Variants in SIPA1L3 observed in about 807,000 individuals in gnomAD.
SIPA1L3 encodes signal-induced proliferation-associated 1-like protein 3.
Under a neutral mutation model 150.1 loss-of-function variants are expected in SIPA1L3, and 59 were observed. The observed-to-expected ratio is 0.39, with a 90% CI of 0.32 to 0.49. SIPA1L3 has a LOEUF of 0.49. Ranked by LOEUF, SIPA1L3 falls within the 20% of genes least tolerant of loss-of-function variation. The pLI, the probability that SIPA1L3 is intolerant of heterozygous loss-of-function variation, is 0.86. For synonymous variants in SIPA1L3, 1,070 were observed against 1,077.6 expected (o/e 0.99, Z 0.14); for missense variants, 2,211 against 2,489.5 (o/e 0.89, Z 2.38).
intron 1 of SIPA1L3, among the ~76,000 whole-genome samples, chr19:37,926,435 G>A (rs1318783662): frequency 6.6e-6 from 1 of 152,188 alleles, no homozygotes; most frequent in Non-Finnish European, 1.5e-5. Flanking sequence ...GCTCCCAGAG[G>A]GAGGGGCACC....
chr19:38,094,921 G>T (rs984773273), intron 4 of SIPA1L3, among the ~76,000 whole-genome samples: 1 of 151,982 alleles, frequency 6.6e-6, no homozygotes, highest in Non-Finnish European at 1.5e-5. Context: ...ACAAAAATTA[G>T]CTGGGCATGG....
At position 38,130,625 on chromosome 19, in the gene SIPA1L3, C is replaced by A. The variant is rs1971285904; in HGVS notation, c.2996C>A (p.Ala999Asp). 1 of 1,613,732 alleles carries A rather than the reference C, an allele frequency of 6.2e-7. No individual in the cohort carries two copies. ...GAGGACTATGGGTTCGCCTGGCAGG[C>A]CGGCCTCCGGCAGGGCAGCCGACTA... Reference protein sequence around the residue: ...EVEDYGFAWQAGLRQGSRLVE... With the variant: ...EVEDYGFAWQDGLRQGSRLVE... The change falls in exon 10 of 22, where the codon GCC becomes GAC. Residue 999 changes from alanine to aspartate, a missense_variant. Coordinates refer to ENST00000222345, the MANE Select transcript of SIPA1L3 (RefSeq NM_015073.3).
At chr19:38,203,336 A>G in intron 20 of SIPA1L3, among the ~76,000 whole-genome samples, 1 of 152,176 alleles carries the variant, frequency 6.6e-6, no homozygotes, top group East Asian at 1.9e-4. Flanking sequence ...ACTCAGCAGC[A>G]AGGTTGTAGG....
At chr19:38,131,667 C>G (rs1600112695) in intron 10 of SIPA1L3, 1 of 153,572 alleles carries the variant, frequency 6.5e-6, no homozygotes, top group East Asian at 2.0e-4. Context: ...GAGTCTCGCT[C>G]TGTCGCCCAG....
At chr19:38,097,227 A>G (rs1970399645) in intron 4 of SIPA1L3, among the ~76,000 whole-genome samples, 1 of 152,120 alleles carries the variant, frequency 6.6e-6, no homozygotes, top group African/African-American at 2.4e-5. Context: ...GCACATGCCT[A>G]TAGTCCCAGC....
At chr19:38,126,772 G>A (rs187690316) in intron 9 of SIPA1L3, among the ~76,000 whole-genome samples, 6 of 152,164 alleles carry the variant, frequency 3.9e-5, no homozygotes, top group African/African-American at 1.2e-4. Context: ...CTGACCTGAG[G>A]TGATCTGCCC....
At chr19:37,923,596 G>A (rs1196696068) in intron 1 of SIPA1L3, among the ~76,000 whole-genome samples, 1 of 152,170 alleles carries the variant, frequency 6.6e-6, no homozygotes, top group Admixed American at 6.5e-5. Context: ...GAGTGGATGG[G>A]AAAGCTAGGA....
intron 16 of SIPA1L3, among the ~76,000 whole-genome samples, chr19:38,186,460 A>G (rs1972679936): frequency 6.6e-6 from 1 of 150,894 alleles, no homozygotes; most frequent in Admixed American, 6.6e-5. Flanking sequence ...CTACATGCGC[A>G]TACCACCATG....
chr19:37,921,658 T>C (rs1449356933), intron 1 of SIPA1L3, among the ~76,000 whole-genome samples: 1 of 151,744 alleles, frequency 6.6e-6, no homozygotes, highest in Non-Finnish European at 1.5e-5. Flanking sequence ...TGGAGTGCAG[T>C]GGCACGATCA....
intron 16 of SIPA1L3, among the ~76,000 whole-genome samples, chr19:38,187,755 A>C (rs1050425190): frequency 6.8e-6 from 1 of 148,044 alleles, no homozygotes; most frequent in Non-Finnish European, 1.5e-5. Flanking sequence ...GGAAAAAAAA[A>C]CTTTTTTCAA....
At chr19:38,173,278 G>T (rs192634865) in intron 15 of SIPA1L3, among the ~76,000 whole-genome samples, 96 of 152,308 alleles carry the variant, frequency 6.3e-4, no homozygotes, top group African/African-American at 2.3e-3. Flanking sequence ...TCCCTTCCCC[G>T]GGCTGCGGCC....
intron 12 of SIPA1L3, among the ~76,000 whole-genome samples, chr19:38,151,275 G>A (rs1971816964): frequency 6.6e-6 from 1 of 152,198 alleles, no homozygotes; most frequent in African/African-American, 2.4e-5. Flanking sequence ...GAAAGTCTCC[G>A]TGGCTTAAAT....
chr19:38,125,545 A>AC (rs905630924), intron 9 of SIPA1L3, among the ~76,000 whole-genome samples: 2 of 127,688 alleles, frequency 1.6e-5, no homozygotes, highest in African/African-American at 5.8e-5. Flanking sequence ...CCCCACCCCC[A>AC]CCCCCAGTCT....
intron 1 of SIPA1L3, among the ~76,000 whole-genome samples, chr19:37,949,166 C>T (rs1166141535): frequency 6.6e-6 from 1 of 152,230 alleles, no homozygotes; most frequent in Non-Finnish European, 1.5e-5. Flanking sequence ...GATTTTCTGT[C>T]TCCATCTCCC....
At chr19:38,187,385 GAGGTTGC>G (rs1158543635) in intron 16 of SIPA1L3, among the ~76,000 whole-genome samples, 1 of 151,854 alleles carries the variant, frequency 6.6e-6, no homozygotes, top group Non-Finnish European at 1.5e-5. Flanking sequence ...CTGGGAGGCA[GAGGTTGC>G]AGTGAGACAA....
In SIPA1L3 at chr19:38,143,782, G is replaced by A. The variant is rs1056674681; in HGVS notation, c.3533+1072G>A. Among the ~76,000 whole-genome samples, 28 of 151,842 alleles carry A rather than the reference G, an allele frequency of 1.8e-4. No homozygotes were observed. The East Asian group carries it at 1.9e-3, about 11-fold the overall frequency. ...TCAAACTCCTGGCCTCAAGCGATCC[G>A]CCTGCCTCAGCTTCCCAAAGTGCTG... On this transcript the variant is annotated intron_variant, in intron 12 of 21. Coordinates refer to ENST00000222345, the MANE Select transcript of SIPA1L3 (RefSeq NM_015073.3).
At position 37,907,337 on chromosome 19, in the gene SIPA1L3, G is replaced by A. The variant is rs2046342015; in HGVS notation, c.-400G>A. On this transcript the variant is annotated 5_prime_UTR_variant, in exon 1 of 22. Coordinates refer to ENST00000222345, the MANE Select transcript of SIPA1L3 (RefSeq NM_015073.3). The stretch of plus-strand genomic sequence containing the variant: ...GACGCCGCGATCGTGGGGCCCGCGA[G>A]GCGGGCAGCCGGGGCGTCCAGGTAC... 1 of 152,334 alleles carries A rather than the reference G, an allele frequency of 6.6e-6. No individual in the cohort carries two copies. Among genetic ancestry groups the A allele is most frequent in the Non-Finnish European group, 1.5e-5 (1 of 68,078 alleles). The allele number at this position is 152,334 out of a possible 1,614,324, so 9.4% of individuals were successfully genotyped here.
chr19:38,111,765 G>T (rs528558164), intron 8 of SIPA1L3, among the ~76,000 whole-genome samples: 3 of 152,210 alleles, frequency 2.0e-5, no homozygotes, highest in Non-Finnish European at 4.4e-5. Context: ...CTCTCCCCCT[G>T]CCCATCGGTT....
chr19:37,996,047 A>G (rs1967632829), intron 1 of SIPA1L3, among the ~76,000 whole-genome samples: 1 of 151,984 alleles, frequency 6.6e-6, no homozygotes, highest in Admixed American at 6.6e-5. Flanking sequence ...CCAAATAGCT[A>G]GGAGTACAGG....
Sources: gnomAD v4.1 joint callset for allele counts (sites outside exome capture counted in the v4.1 genomes callset) on GRCh38, gnomAD v4.1.1 for gene constraint, MANE v1.5 for transcripts, NCBI Gene and HGNC (gene_info 2026-07-23, HGNC 2026-07-21) for gene names.